IQGAP1: variants seen among roughly 807,000 people sequenced by gnomAD.
IQGAP1 encodes ras GTPase-activating-like protein IQGAP1.
In IQGAP1, 66 loss-of-function variants were observed where a neutral mutation model predicts 215.6. The observed-to-expected ratio is 0.31, with a 90% confidence interval of 0.25 to 0.38. The LOEUF is 0.38. Among genes scored for constraint, IQGAP1 ranks in the 10% least tolerant of loss-of-function variants. The pLI is 1.00. For missense variants in IQGAP1, 1,712 were observed against 1,997.1 expected (o/e 0.86, Z 2.72); for synonymous variants, 772 against 728.7 (o/e 1.06, Z -0.96).
chr15:90,440,479 T>C (rs1423610489), intron 6 of IQGAP1, 23 bp from the exon 7 acceptor site: 1 of 1,493,078 alleles, frequency 6.7e-7, no homozygotes, highest in South Asian at 1.2e-5. Context: ...CTTGATTGAC[T>C]GATTATTAAT....
chr15:90,485,827 C>T (rs904664636), intron 30 of IQGAP1, among the ~76,000 whole-genome samples: 8 of 152,160 alleles, frequency 5.3e-5, no homozygotes. Flanking sequence ...TATATCATAA[C>T]ATAAGTCATT....
intron 26 of IQGAP1, among the ~76,000 whole-genome samples, chr15:90,481,268 T>C (rs1377545997): frequency 2.9e-5 from 3 of 103,930 alleles, no homozygotes; most frequent in African/African-American, 1.3e-4. Flanking sequence ...TCTCTCTGCC[T>C]CTTTTTTTTT....
rs397763798 is a variant in IQGAP1 at position 90,464,851 on chromosome 15, CA to C, written c.1777-1136del. ...TGAGTGACAGAGCGAGACTCTGTCTCAAAAAAAAAAAAAATTGGAAGATATT... is the reference window on the plus strand; with the variant it reads ...TGAGTGACAGAGCGAGACTCTGTCTCAAAAAAAAAAAAATTGGAAGATATT... On this transcript the variant is annotated intron_variant, in intron 15 of 37. Coordinates refer to ENST00000268182, the MANE Select transcript of IQGAP1 (RefSeq NM_003870.4). 1.7e-3 allele frequency among the ~76,000 whole-genome samples: 220 copies of C among 128,060 alleles called. 1 individual carries two copies. Among genetic ancestry groups the C allele is most frequent in the Middle Eastern group, 8.5e-3 (2 of 236 alleles). The allele number at this position is 128,060 out of a possible 152,430, so 84.0% of individuals were successfully genotyped here.
intron 5 of IQGAP1, among the ~76,000 whole-genome samples, chr15:90,436,877 TTA>T (rs1375757430): frequency 1.3e-5 from 2 of 152,218 alleles, no homozygotes; most frequent in East Asian, 3.8e-4. Flanking sequence ...TGTCTACTTT[TTA>T]TATTAGCCAG....
intron 18 of IQGAP1, among the ~76,000 whole-genome samples, chr15:90,469,486 T>G (rs777041671): frequency 1.2e-4 from 18 of 152,246 alleles, no homozygotes; most frequent in Admixed American, 9.2e-4. Flanking sequence ...TCTTCATTGC[T>G]AATGATTTCA....
chr15:90,441,660 CA>C lies in IQGAP1; in HGVS notation c.808del (p.Met270Ter). 1 of 1,606,624 alleles carries C rather than the reference CA, an allele frequency of 6.2e-7. No individual in the cohort carries two copies. The highest frequency in any genetic ancestry group is 8.5e-7 in the Non-Finnish European group (1 of 1,176,666). On this transcript the variant is annotated frameshift_variant, in exon 8 of 38. Transcript: ENST00000268182. LOFTEE classifies it high-confidence loss of function. ...ATATACTTTACCAGGCTAAGCAGGACAAAATGACAAATGCTAAAAACAGGGT... is the reference window on the plus strand; with the variant it reads ...ATATACTTTACCAGGCTAAGCAGGACAAATGACAAATGCTAAAAACAGGGT... ...QDILYQAKQD[K>X]MTNAKNRTEN...
At chr15:90,391,734 A>T (rs1229274119) in intron 2 of IQGAP1, 1 of 152,094 alleles carries the variant, frequency 6.6e-6, no homozygotes, top group Non-Finnish European at 1.5e-5. Flanking sequence ...TTGTGGTCTT[A>T]ATTTTAGAGT....
At chr15:90,445,629 A>G (rs1258775373) in intron 9 of IQGAP1, among the ~76,000 whole-genome samples, 3 of 152,176 alleles carry the variant, frequency 2.0e-5, no homozygotes, top group African/African-American at 7.2e-5. Context: ...AGACTCACCA[A>G]AAAAACTAAA....
chr15:90,426,357 G>A lies in IQGAP1; in HGVS notation c.312+91G>A, dbSNP rs1965222678. ...GTGTAAGAGTTATTGAGAAGTCTGT[G>A]TAAGGTGTGTTTGTTGCAACAAATT... is the stretch of plus-strand genomic sequence containing the variant. On this transcript the variant is annotated intron_variant, in intron 3 of 37. Coordinates refer to ENST00000268182, the MANE Select transcript of IQGAP1 (RefSeq NM_003870.4). 1.1e-5 allele frequency: 16 copies of A among 1,401,150 alleles called. No homozygotes were observed. The East Asian group carries it at 3.8e-4, about 33-fold the overall frequency. The allele number at this position is 1,401,150 out of a possible 1,614,324, so 86.8% of individuals were successfully genotyped here.
At position 90,466,337 on chromosome 15, in the gene IQGAP1, C is replaced by G; in HGVS notation, c.1936C>G (p.Leu646Val). The G allele has an allele frequency of 6.2e-7, 1 of 1,614,064 alleles. No individual in the cohort carries two copies. The highest frequency in any genetic ancestry group is 1.1e-5 in the South Asian group (1 of 91,076). The change falls in exon 17 of 38, where the codon CTT becomes GTT. Residue 646 changes from leucine to valine, a missense_variant. Transcript: ENST00000268182. ...TGATGTTGGCAAAACACTGAGTGCC[C>G]TTCGCTCCCCTGATGTTGGCTTGTA... is the stretch of plus-strand genomic sequence containing the variant. ...SGDVGKTLSA[L>V]RSPDVGLYGV... is the part of the protein sequence containing the mutation.
At position 90,477,197 on chromosome 15, in the gene IQGAP1, G is replaced by A. The variant is rs1002554111; in HGVS notation, c.3071G>A (p.Arg1024Gln). ...CAGCGAGAGGAGTACCTGCTCCTGC[G>A]GCTCTTTAAGACAGCACTCCAAGAG... is the stretch of plus-strand genomic sequence containing the variant. ...SNQREEYLLL[R>Q]LFKTALQEEI... Residue 1024 changes from arginine to glutamine, a missense_variant, in exon 25 of 38, where the codon CGG (arginine) becomes CAG (glutamine). Arg to Gln is a conservative substitution (Grantham distance 43). Transcript: ENST00000268182. 1.7e-5 allele frequency: 27 copies of A among 1,613,920 alleles called. No homozygotes were observed. The highest frequency in any genetic ancestry group is 1.6e-4 in the Middle Eastern group (1 of 6,062).
intron 18 of IQGAP1, among the ~76,000 whole-genome samples, chr15:90,469,179 G>A (rs149646950): frequency 6.6e-6 from 1 of 152,282 alleles, no homozygotes; most frequent in East Asian, 1.9e-4. Context: ...AATGTTAAAG[G>A]GGAGGAATAT....
intron 15 of IQGAP1, among the ~76,000 whole-genome samples, chr15:90,462,011 AATT>A (rs1374899893): frequency 2.0e-5 from 3 of 148,696 alleles, no homozygotes; most frequent in Non-Finnish European, 4.5e-5. Context: ...AAAAAAAAAA[AATT>A]AGCCCGGCAT....
intron 2 of IQGAP1, among the ~76,000 whole-genome samples, chr15:90,404,452 T>C (rs1964848542): frequency 6.6e-6 from 1 of 152,246 alleles, no homozygotes; most frequent in Non-Finnish European, 1.5e-5. Context: ...TATGTTCTTT[T>C]CTGTGAACTT....
At chr15:90,397,405 T>G (rs1395404164) in intron 2 of IQGAP1, among the ~76,000 whole-genome samples, 1 of 151,904 alleles carries the variant, frequency 6.6e-6, no homozygotes, top group Non-Finnish European at 1.5e-5. Context: ...CGTCAGGGAG[T>G]GAGCCCAAAT....
intron 15 of IQGAP1, among the ~76,000 whole-genome samples, chr15:90,457,270 G>A (rs985952582): frequency 1.3e-5 from 2 of 152,036 alleles, no homozygotes; most frequent in African/African-American, 4.8e-5. Context: ...TCTGGCTTCT[G>A]TTGCCCTAAA....
intron 2 of IQGAP1, among the ~76,000 whole-genome samples, chr15:90,400,715 G>GA (rs1964792789): frequency 6.6e-6 from 1 of 152,190 alleles, no homozygotes; most frequent in African/African-American, 2.4e-5. Context: ...TTACAGGTCA[G>GA]AGCAACTGTT....
intron 2 of IQGAP1, among the ~76,000 whole-genome samples, chr15:90,394,027 C>T (rs979219077): frequency 1.3e-5 from 2 of 150,564 alleles, no homozygotes; most frequent in African/African-American, 2.4e-5. Flanking sequence ...CCCAGCTACT[C>T]GGGAGGCTGA....
intron 2 of IQGAP1, among the ~76,000 whole-genome samples, chr15:90,423,191 A>G (rs1286788028): frequency 6.6e-6 from 1 of 152,142 alleles, no homozygotes; most frequent in Non-Finnish European, 1.5e-5. Context: ...TTCTGCTAAC[A>G]TTAAAAATGT....
Sources: gnomAD v4.1 joint callset for allele counts (sites outside exome capture counted in the v4.1 genomes callset) on GRCh38, gnomAD v4.1.1 for gene constraint, MANE v1.5 for transcripts, NCBI Gene and HGNC (gene_info 2026-07-23, HGNC 2026-07-21) for gene names.